NYAP2: variants seen among roughly 807,000 people sequenced by gnomAD.
The protein encoded by NYAP2 is neuronal tyrosine-phosphorylated phosphoinositide-3-kinase adapter 2.
A neutral mutation model predicts 50.4 loss-of-function variants in NYAP2; 23 were observed. That is an observed-to-expected ratio of 0.46 (90% CI 0.33 to 0.65). NYAP2 has a LOEUF of 0.65. NYAP2 is among the 30% of genes least tolerant of loss of function. The probability of loss-of-function intolerance (pLI) is 0.02; values close to 1 mark genes in which losing one functional copy is unlikely to be tolerated. For missense variants in NYAP2, 885 were observed against 861.0 expected (o/e 1.03, Z -0.35); for synonymous variants, 394 against 365.2 (o/e 1.08, Z -0.90).
At chr2:225,608,810 A>G (rs1432355708) in intron 5 of NYAP2, among the ~76,000 whole-genome samples, 1 of 152,092 alleles carries the variant, frequency 6.6e-6, no homozygotes, top group Non-Finnish European at 1.5e-5. Context: ...AACACCATAC[A>G]TGTGAATAAA....
intron 3 of NYAP2, among the ~76,000 whole-genome samples, chr2:225,463,640 C>T (rs73082882): frequency 0.011 from 1,736 of 152,326 alleles, 36 homozygotes; most frequent in African/African-American, 0.04. Flanking sequence ...ATAAATTGTG[C>T]TGTGTGGACA....
intron 3 of NYAP2, among the ~76,000 whole-genome samples, chr2:225,494,584 AATTAGGTCCTAG>A (rs1242633332): frequency 6.6e-6 from 1 of 152,206 alleles, no homozygotes; most frequent in East Asian, 1.9e-4. Context: ...CCTCCCAGAA[AATTAGGTCCTAG>A]AGAGTGTGAG....
At chr2:225,425,038 G>A (rs966727589) in intron 3 of NYAP2, among the ~76,000 whole-genome samples, 2 of 151,988 alleles carry the variant, frequency 1.3e-5, no homozygotes, top group African/African-American at 4.8e-5. Context: ...CAACCTTTTG[G>A]CAACCTCAAC....
the NYAP2 span, among the ~76,000 whole-genome samples, chr2:225,674,099 G>A: frequency 6.6e-6 from 1 of 152,078 alleles, no homozygotes; most frequent in Non-Finnish European, 1.5e-5. Context: ...TCAGTAAGTA[G>A]CTTTCTGCTC....
intron 3 of NYAP2, among the ~76,000 whole-genome samples, chr2:225,465,715 C>A (rs544898046): frequency 1.3e-5 from 2 of 150,912 alleles, no homozygotes; most frequent in Non-Finnish European, 2.9e-5. Flanking sequence ...GACTCTGTCT[C>A]AAAAAACAAA....
chr2:225,638,310 C>CTT (rs1006033809), intron 6 of NYAP2, among the ~76,000 whole-genome samples: 9 of 151,602 alleles, frequency 5.9e-5, no homozygotes, highest in Non-Finnish European at 1.3e-4. Flanking sequence ...ATGAGAGAGA[C>CTT]TTTAATGGAA....
Position 225,608,105 on chromosome 2 carries a change from G to A in NYAP2, c.1619-18812G>A, listed in dbSNP as rs1574706691. 2.0e-5 allele frequency among the ~76,000 whole-genome samples: 3 copies of A among 152,156 alleles called. No homozygotes were observed. In the South Asian group the frequency reaches 6.2e-4, roughly 32 times the overall value. On this transcript the variant is annotated intron_variant, in intron 5 of 6. Coordinates refer to ENST00000636099, the Ensembl canonical transcript of NYAP2. ...TGTCATTGAACAGTTGGTAGATTTTGGAATCCCAATAAAATGATCTTCATC... is the reference window on the plus strand; with the variant it reads ...TGTCATTGAACAGTTGGTAGATTTTAGAATCCCAATAAAATGATCTTCATC...
intron 4 of NYAP2, among the ~76,000 whole-genome samples, chr2:225,536,460 A>G (rs1348270988): frequency 6.6e-6 from 1 of 152,220 alleles, no homozygotes; most frequent in Non-Finnish European, 1.5e-5. Context: ...GGAAGGGAGC[A>G]CACAGAAAAG....
At chr2:225,572,233 A>C (rs1466154708) in intron 4 of NYAP2, among the ~76,000 whole-genome samples, 2 of 152,188 alleles carry the variant, frequency 1.3e-5, no homozygotes, top group Non-Finnish European at 2.9e-5. Context: ...CCCAGTTCCA[A>C]AGTGACTTCC....
At chr2:225,700,099 A>T in the NYAP2 span, 1 of 151,924 alleles carries the variant, frequency 6.6e-6, no homozygotes, top group Non-Finnish European at 1.5e-5. Flanking sequence ...AACAGGAGTT[A>T]GAGAATCTTT....
At chr2:225,674,141 CA>C in the NYAP2 span, among the ~76,000 whole-genome samples, 2 of 151,674 alleles carry the variant, frequency 1.3e-5, no homozygotes, top group Non-Finnish European at 2.9e-5. Flanking sequence ...AGAGAGGAAA[CA>C]AAAAAAGTAA....
chr2:225,606,797 T>C (rs1017288189), intron 5 of NYAP2, among the ~76,000 whole-genome samples: 6 of 152,138 alleles, frequency 3.9e-5, no homozygotes, highest in Non-Finnish European at 8.8e-5. Context: ...GAATATCTCA[T>C]AAATGGGCCA....
chr2:225,567,542 T>A (rs1450762898), intron 4 of NYAP2, among the ~76,000 whole-genome samples: 1 of 151,950 alleles, frequency 6.6e-6, no homozygotes, highest in African/African-American at 2.4e-5. Context: ...AGAGAGAAGC[T>A]GATAATCAAG....
chr2:225,431,948 A>T (rs1689272517), intron 3 of NYAP2, among the ~76,000 whole-genome samples: 1 of 152,008 alleles, frequency 6.6e-6, no homozygotes, highest in Admixed American at 6.6e-5. Flanking sequence ...ATAATTTATA[A>T]CAATGATAGG....
At chr2:225,622,741 G>A (rs1693143539) in intron 5 of NYAP2, among the ~76,000 whole-genome samples, 2 of 151,576 alleles carry the variant, frequency 1.3e-5, no homozygotes, top group Middle Eastern at 3.4e-3. Context: ...CACTACGCCC[G>A]ACTAATTTTT....
chr2:225,431,571 A>G (rs1360235435), intron 3 of NYAP2, among the ~76,000 whole-genome samples: 1 of 152,196 alleles, frequency 6.6e-6, no homozygotes, highest in South Asian at 2.1e-4. Flanking sequence ...CAATTTCTCA[A>G]GTAATCACAT....
chr2:225,587,608 G>A (rs1435926871), intron 5 of NYAP2, among the ~76,000 whole-genome samples: 3 of 152,118 alleles, frequency 2.0e-5, no homozygotes, highest in Non-Finnish European at 4.4e-5. Flanking sequence ...GTCTTTGGGT[G>A]TAGCTCAACT....
At chr2:225,522,938 G>A (rs2106192364) in intron 4 of NYAP2, among the ~76,000 whole-genome samples, 1 of 152,236 alleles carries the variant, frequency 6.6e-6, no homozygotes, top group East Asian at 1.9e-4. Context: ...GCTGTTTGGT[G>A]TTGACCAACT....
the NYAP2 span, among the ~76,000 whole-genome samples, chr2:225,663,286 C>G: frequency 6.6e-6 from 1 of 152,140 alleles, no homozygotes; most frequent in East Asian, 1.9e-4. Context: ...CATCTCTCAC[C>G]CATTTTCCCA....
Sources: allele counts gnomAD v4.1 joint callset (sites outside exome capture counted in the v4.1 genomes callset), GRCh38; gene constraint gnomAD v4.1.1; transcripts MANE v1.5; gene names NCBI Gene and HGNC (gene_info 2026-07-23, HGNC 2026-07-21).